Variants in CTTN observed in about 807,000 individuals in gnomAD.
The protein encoded by CTTN is cortactin, also known as src substrate cortactin.
In CTTN, 28 loss-of-function variants were observed where a neutral mutation model predicts 84.0. The ratio of observed to expected loss-of-function variants is 0.33; its 90% CI spans 0.25 to 0.46. The LOEUF (loss-of-function observed/expected upper bound fraction) is 0.46. Among genes scored for constraint, CTTN ranks in the 20% least tolerant of loss-of-function variants. CTTN has a pLI of 1.00. For missense variants in CTTN, 641 were observed against 723.8 expected, an observed-to-expected ratio of 0.89 and a Z score of 1.31; for synonymous variants, 301 against 288.8, an observed-to-expected ratio of 1.04 and a Z score of -0.43.
At chr11:70,421,754 T>C (rs2058239100) in intron 11 of CTTN, 174 bp downstream of exon 11, 6 of 603,112 alleles carry the variant, frequency 9.9e-6, no homozygotes, top group Non-Finnish European at 1.8e-5. Flanking sequence ...GACACTGATT[T>C]TGAGTGGTTC....
chr11:70,427,627 GT>G (rs1475480360), intron 13 of CTTN, among the ~76,000 whole-genome samples: 1 of 152,258 alleles, frequency 6.6e-6, no homozygotes, highest in East Asian at 1.9e-4. Flanking sequence ...CCAGGCAGTG[GT>G]GGTCCTGCAG....
At chr11:70,428,730 A>G (rs1314398709) in intron 13 of CTTN, among the ~76,000 whole-genome samples, 5 of 152,244 alleles carry the variant, frequency 3.3e-5, no homozygotes, top group Non-Finnish European at 7.3e-5. Context: ...TTTATCAAGG[A>G]CAGATGTCTT....
intron 14 of CTTN, among the ~76,000 whole-genome samples, chr11:70,429,556 CT>C (rs1170219722): frequency 6.6e-6 from 1 of 152,158 alleles, no homozygotes; most frequent in Admixed American, 6.5e-5. Flanking sequence ...CTTCTCACCC[CT>C]CCCCCTCTGG....
intron 8 of CTTN, 138 bp downstream of exon 8, chr11:70,417,261 G>A: frequency 1.5e-6 from 1 of 671,542 alleles, no homozygotes. Context: ...GTGTATGTGG[G>A]CTTTTCCTAA....
In CTTN at chr11:70,435,971, C is replaced by A. The variant is rs1488415645; in HGVS notation, c.*809C>A. The A allele has an allele frequency of 7.0e-7, 1 of 1,432,122 alleles. No homozygotes were observed. Among genetic ancestry groups the A allele is most frequent in the Non-Finnish European group, 9.1e-7 (1 of 1,100,370 alleles). 88.7% of individuals were successfully genotyped at this position (1,432,122 alleles called of 1,614,324 possible). A position where few individuals can be genotyped will look rare whatever the true frequency, so the allele number is the denominator to read the frequency against. On this transcript the variant is annotated 3_prime_UTR_variant, in exon 18 of 18. Transcript: ENST00000301843. ...CGTCGGGCTTGGCTTTTCACAAAGG[C>A]TGATGTCTTAACTGTCACCCATATG...
Position 70,414,535 on chromosome 11 carries a change from G to T in CTTN, c.292-7G>T, listed in dbSNP as rs1190156589. ...GTCTAATGCTTTGTGTTTGAACCCTGTTCCAGTCAGCTGTCGGCCACGAAT... is the reference window on the plus strand; with the variant it reads ...GTCTAATGCTTTGTGTTTGAACCCTTTTCCAGTCAGCTGTCGGCCACGAAT... On this transcript the variant is annotated splice_polypyrimidine_tract_variant and splice_region_variant and intron_variant, in intron 5 of 17. Transcript: ENST00000301843. 1 of 1,610,714 alleles carries T rather than the reference G, an allele frequency of 6.2e-7. No individual in the cohort carries two copies. The highest frequency in any genetic ancestry group is 2.2e-5 in the East Asian group (1 of 44,858).
intron 1 of CTTN, among the ~76,000 whole-genome samples, chr11:70,403,076 T>C (rs1309056663): frequency 6.6e-6 from 1 of 152,212 alleles, no homozygotes; most frequent in African/African-American, 2.4e-5. Context: ...AACAAACTTT[T>C]CCTGAGCTTG....
rs749807110 is a variant in CTTN at position 70,417,034 on chromosome 11, G to A, written c.479G>A (p.Gly160Asp). Residue 160 changes from glycine to aspartate, a missense_variant, in exon 8 of 18, where the codon GGC (glycine) becomes GAC (aspartate). By Grantham distance (94) the Gly-to-Asp change is moderately conservative (BLOSUM62 -1). Around this residue, in one of 3 missense-constraint regions of CTTN, gnomAD observed 284 missense variants for 348.4 expected, o/e 0.82. Coordinates refer to ENST00000301843, the MANE Select transcript of CTTN (RefSeq NM_005231.4). ...CCAGACTACTCCAGTGGTTTTGGCG[G>A]CAAGTATGGCGTGCAGGCCGACCGA... ...SQKDYSSGFGGKYGVQADRVD... is the reference protein window; with the variant it reads ...SQKDYSSGFGDKYGVQADRVD... 11 of 1,614,190 alleles carry A rather than the reference G, an allele frequency of 6.8e-6. No individual in the cohort carries two copies. Among genetic ancestry groups the A allele is most frequent in the Non-Finnish European group, 9.3e-6 (11 of 1,180,022 alleles).
chr11:70,434,359 C>T (rs1382193853), intron 17 of CTTN, among the ~76,000 whole-genome samples: 2 of 152,256 alleles, frequency 1.3e-5, no homozygotes, highest in Admixed American at 1.3e-4. Flanking sequence ...CACCACCACC[C>T]CTCTGCAGTT....
Position 70,407,336 on chromosome 11 carries a change from C to T in CTTN, c.39C>T (p.Ala13=). Residue 13 remains alanine (A), a synonymous_variant, in exon 3 of 18, where the codon GCC becomes GCT. Coordinates refer to ENST00000301843, the MANE Select transcript of CTTN (RefSeq NM_005231.4). ...KASAGHAVSI[A]QDDAGADDWE... is the part of the protein sequence containing the mutation. ...CAGCAGGCCACGCTGTGTCCATCGCCCAGGATGACGCGGGGGCCGATGACT... is the reference window on the plus strand; with the variant it reads ...CAGCAGGCCACGCTGTGTCCATCGCTCAGGATGACGCGGGGGCCGATGACT... The T allele has an allele frequency of 6.4e-7, 1 of 1,559,866 alleles. No homozygotes were observed. The highest frequency in any genetic ancestry group is 8.7e-7 in the Non-Finnish European group (1 of 1,151,972).
intron 15 of CTTN, among the ~76,000 whole-genome samples, chr11:70,432,666 G>A (rs2058366802): frequency 6.6e-6 from 1 of 152,262 alleles, no homozygotes; most frequent in Non-Finnish European, 1.5e-5. Context: ...TGAAGCCGCT[G>A]TCAGGCAGGG....
At chr11:70,406,582 G>C (rs1591431490) in intron 2 of CTTN, among the ~76,000 whole-genome samples, 1 of 150,618 alleles carries the variant, frequency 6.6e-6, no homozygotes, top group Non-Finnish European at 1.5e-5. Flanking sequence ...GAATTGTCTT[G>C]TTAGGGTTTA....
At chr11:70,425,498 A>G (rs2058291068) in intron 13 of CTTN, 97 bp downstream of exon 13, 4 of 839,566 alleles carry the variant, frequency 4.8e-6, no homozygotes, top group South Asian at 4.5e-5. Context: ...ATGCACCACT[A>G]GTTGAAAGCG....
At position 70,433,118 on chromosome 11, in the gene CTTN, G is replaced by T; in HGVS notation, c.1284G>T (p.Lys428Asn). Residue 428 changes from lysine to asparagine, a missense_variant, in exon 16 of 18, where the codon AAG (lysine) becomes AAT (asparagine). This residue lies in a region of CTTN where 289 missense variants were observed against 273.1 expected (regional missense o/e 1.06). Transcript: ENST00000301843. ...SPVYEDAASF[K>N]AELSYRGPVS... Reference sequence around the variant, plus strand: ...TTCCCCAGGATGCGGCTTCCTTCAAGGCAGAGCTGAGCTACAGAGGCCCTG... The same window carrying T: ...TTCCCCAGGATGCGGCTTCCTTCAATGCAGAGCTGAGCTACAGAGGCCCTG... 6.2e-7 allele frequency: 1 copy of T among 1,613,792 alleles called. No homozygotes were observed. The highest frequency in any genetic ancestry group is 8.5e-7 in the Non-Finnish European group (1 of 1,179,972).
intron 6 of CTTN, 55 bp downstream of exon 6, chr11:70,414,707 G>A (rs950086450): frequency 3.2e-5 from 43 of 1,337,032 alleles, no homozygotes; most frequent in Middle Eastern, 3.6e-4. Context: ...GGCGTTCCCC[G>A]TAGATCTGAG....
intron 15 of CTTN, among the ~76,000 whole-genome samples, chr11:70,432,506 T>C (rs1196829815): frequency 6.6e-6 from 1 of 152,234 alleles, no homozygotes; most frequent in African/African-American, 2.4e-5. Context: ...TTAAAGCCAC[T>C]GTCGGTGATA....
chr11:70,420,772 G>A (rs559181795), intron 10 of CTTN, among the ~76,000 whole-genome samples: 1 of 152,174 alleles, frequency 6.6e-6, no homozygotes, highest in African/African-American at 2.4e-5. Context: ...CTGCAGCAGG[G>A]GGCTGGGTTT....
intron 1 of CTTN, 23 bp downstream of exon 1, chr11:70,398,637 CG>C: frequency 6.6e-6 from 1 of 152,328 alleles, no homozygotes; most frequent in Non-Finnish European, 1.5e-5. Flanking sequence ...GGCGTCCGCC[CG>C]GGGTGCAGGC....
rs184556517 is a variant in CTTN, at chr11:70,405,261, A to G, written c.-97-4A>G. The G allele has an allele frequency of 6.6e-6, 1 of 152,322 alleles. No individual in the cohort carries two copies. Among genetic ancestry groups the G allele is most frequent in the Non-Finnish European group, 1.5e-5 (1 of 68,030 alleles). 9.4% of individuals were successfully genotyped at this position (152,322 alleles called of 1,614,324 possible). A position where few individuals can be genotyped will look rare whatever the true frequency, so the allele number is the denominator to read the frequency against. On this transcript the variant is annotated splice_region_variant and splice_polypyrimidine_tract_variant and intron_variant, in intron 1 of 17. Transcript: ENST00000301843. ...TCAGCTTTTTACCCTTAATCTTTTT[A>G]CAGACGGAATCAGTCCCCAATGCCT... is the stretch of plus-strand genomic sequence containing the variant.
Sources: allele counts gnomAD v4.1 joint callset (sites outside exome capture counted in the v4.1 genomes callset), GRCh38; gene constraint gnomAD v4.1.1; regional missense constraint gnomAD v4.1.1; transcripts MANE v1.5; gene names NCBI Gene and HGNC (gene_info 2026-07-23, HGNC 2026-07-21).